Variants in SMYD3 observed in about 807,000 individuals in gnomAD.
SMYD3 encodes the protein SET and MYND domain containing 3.
SMYD3 carries 36 observed loss-of-function variants against 57.7 expected under a neutral mutation model. The observed-to-expected ratio is 0.62, with a 90% CI of 0.48 to 0.82. The LOEUF (loss-of-function observed/expected upper bound fraction) is 0.82. Ranked by LOEUF, SMYD3 falls within the 40% of genes least tolerant of loss-of-function variation. The probability of loss-of-function intolerance (pLI) is 0.00; values close to 1 mark genes in which losing one functional copy is unlikely to be tolerated. For missense variants in SMYD3, 515 were observed against 538.8 expected (o/e 0.96, Z 0.44); for synonymous variants, 211 against 195.0 (o/e 1.08, Z -0.68).
intron 2 of SMYD3, among the ~76,000 whole-genome samples, chr1:246,348,667 G>A (rs2065767911): frequency 6.6e-6 from 1 of 152,050 alleles, no homozygotes; most frequent in South Asian, 2.1e-4. Context: ...TACTTTTTGG[G>A]TGACAGGTTC....
chr1:246,353,899 G>T (rs1204916335), intron 2 of SMYD3, among the ~76,000 whole-genome samples: 1 of 152,210 alleles, frequency 6.6e-6, no homozygotes, highest in Non-Finnish European at 1.5e-5. Context: ...TGTTTTCCCT[G>T]AGATAATTTA....
intron 5 of SMYD3, among the ~76,000 whole-genome samples, chr1:246,119,089 T>C (rs981356076): frequency 2.0e-5 from 3 of 152,196 alleles, no homozygotes; most frequent in Admixed American, 6.5e-5. Flanking sequence ...AGCACAATCA[T>C]AGCTCACTGC....
intron 4 of SMYD3, among the ~76,000 whole-genome samples, chr1:246,329,234 T>C (rs1479387037): frequency 6.6e-6 from 1 of 152,138 alleles, no homozygotes; most frequent in Non-Finnish European, 1.5e-5. Context: ...TCAAATGGTA[T>C]TTCTAGTTCT....
chr1:245,919,908 TGAA>T (rs1439432870), intron 7 of SMYD3, among the ~76,000 whole-genome samples: 1 of 152,332 alleles, frequency 6.6e-6, no homozygotes, highest in South Asian at 2.1e-4. Context: ...AGTAATATAA[TGAA>T]GGAGATTTTC....
At chr1:245,860,381 G>C (rs1287483105) in intron 9 of SMYD3, among the ~76,000 whole-genome samples, 8 of 152,156 alleles carry the variant, frequency 5.3e-5, no homozygotes, top group Non-Finnish European at 1.5e-5. Context: ...ACGGCTTTCT[G>C]AAACATTAGC....
rs2062938322 is a variant in SMYD3 at position 246,202,578 on chromosome 1, A to G, written c.531+124623T>C. Among the ~76,000 whole-genome samples, 1 of 152,156 alleles carries G rather than the reference A, an allele frequency of 6.6e-6. No individual in the cohort carries two copies. The highest frequency in any genetic ancestry group is 2.1e-4 in the South Asian group (1 of 4,826). On this transcript the variant is annotated intron_variant, in intron 5 of 11. Coordinates refer to ENST00000490107, the MANE Select transcript of SMYD3 (RefSeq NM_001167740.2). The surrounding 1 kb of genome is among the most constrained non-coding windows in gnomAD (Gnocchi z 4.1). ...CCCCAACCCATCACCATCTCCCTCAAATCATCGAAATGTGACGTATTAAAT... is the reference window on the plus strand; with the variant it reads ...CCCCAACCCATCACCATCTCCCTCAGATCATCGAAATGTGACGTATTAAAT...
chr1:245,833,144 C>T (rs938172637), intron 10 of SMYD3, among the ~76,000 whole-genome samples: 3 of 149,302 alleles, frequency 2.0e-5, no homozygotes, highest in African/African-American at 4.9e-5. Context: ...TTTAGATTTA[C>T]AGAAAAGTTG....
At chr1:246,054,142 C>A (rs2060108773) in intron 5 of SMYD3, among the ~76,000 whole-genome samples, 2 of 152,054 alleles carry the variant, frequency 1.3e-5, no homozygotes, top group Non-Finnish European at 2.9e-5. Flanking sequence ...AGAAAAGATA[C>A]AAATGGCAAA....
chr1:246,165,514 G>A (rs1262818547), intron 5 of SMYD3, among the ~76,000 whole-genome samples: 2 of 152,116 alleles, frequency 1.3e-5, no homozygotes, highest in African/African-American at 4.8e-5. Flanking sequence ...TGGGGATTTC[G>A]GGACAGAAAG....
intron 5 of SMYD3, among the ~76,000 whole-genome samples, chr1:246,277,406 A>C (rs2064355947): frequency 2.0e-5 from 3 of 152,342 alleles, no homozygotes; most frequent in Middle Eastern, 6.8e-3. Flanking sequence ...ATGCATCATC[A>C]CTTTGGAAAA....
At chr1:245,810,646 G>A (rs1037483826) in intron 10 of SMYD3, among the ~76,000 whole-genome samples, 16 of 152,186 alleles carry the variant, frequency 1.1e-4, no homozygotes, top group African/African-American at 3.9e-4. Flanking sequence ...AGCAGTTTCA[G>A]GTGTGAGGAG....
intron 5 of SMYD3, among the ~76,000 whole-genome samples, chr1:246,072,257 G>A (rs80126566): frequency 1.3e-4 from 18 of 137,598 alleles, no homozygotes; most frequent in Admixed American, 2.2e-4. Context: ...GGAGGGATTC[G>A]TGTGCTTTCC....
intron 9 of SMYD3, among the ~76,000 whole-genome samples, chr1:245,861,646 G>C (rs1160398474): frequency 6.6e-6 from 1 of 152,146 alleles, no homozygotes; most frequent in Non-Finnish European, 1.5e-5. Context: ...CGTCTGCACA[G>C]GTCATTCCTT....
chr1:246,479,084 G>C (rs1381139677), intron 1 of SMYD3, among the ~76,000 whole-genome samples: 2 of 150,752 alleles, frequency 1.3e-5, no homozygotes, highest in East Asian at 3.9e-4. Flanking sequence ...CCTGGAGCTG[G>C]TACATAAGTG....
chr1:246,308,849 G>C (rs780019602), intron 5 of SMYD3, among the ~76,000 whole-genome samples: 4 of 151,908 alleles, frequency 2.6e-5, no homozygotes, highest in Non-Finnish European at 5.9e-5. Flanking sequence ...CATCAAAATG[G>C]GCACCTAAAC....
intron 1 of SMYD3, among the ~76,000 whole-genome samples, chr1:246,434,877 CA>C (rs1214967947): frequency 2.0e-5 from 3 of 152,118 alleles, no homozygotes; most frequent in East Asian, 3.9e-4. Context: ...CTCACAATAG[CA>C]AAAAACACGG....
chr1:246,072,644 G>C (rs2060478001), intron 5 of SMYD3, among the ~76,000 whole-genome samples: 1 of 152,172 alleles, frequency 6.6e-6, no homozygotes, highest in South Asian at 2.1e-4. Context: ...CATTATTTCA[G>C]ATATGTCTGT....
At chr1:245,994,705 T>C (rs1225197134) in intron 5 of SMYD3, among the ~76,000 whole-genome samples, 1 of 152,110 alleles carries the variant, frequency 6.6e-6, no homozygotes, top group Non-Finnish European at 1.5e-5. Context: ...TATGTTTAAT[T>C]TACCACTCAC....
At chr1:246,183,030 C>G in intron 5 of SMYD3, among the ~76,000 whole-genome samples, 1 of 152,116 alleles carries the variant, frequency 6.6e-6, no homozygotes, top group East Asian at 1.9e-4. Context: ...ATAATTGTAA[C>G]CCCTTTAACT....
Sources: gnomAD v4.1 joint callset for allele counts (sites outside exome capture counted in the v4.1 genomes callset) on GRCh38, gnomAD v4.1.1 for gene constraint, Gnocchi (gnomAD v3.1) non-coding constraint, MANE v1.5 for transcripts, NCBI Gene and HGNC (gene_info 2026-07-23, HGNC 2026-07-21) for gene names.